MAGI2: variants seen among roughly 807,000 people sequenced by gnomAD.
The protein encoded by MAGI2 is membrane associated guanylate kinase, WW and PDZ domain containing 2.
MAGI2 carries 35 observed loss-of-function variants against 133.3 expected under a neutral mutation model. The observed-to-expected ratio is 0.26, with a 90% CI of 0.20 to 0.35. MAGI2 has a LOEUF of 0.35. Ranked by LOEUF, MAGI2 falls within the 10% of genes least tolerant of loss-of-function variation. The probability of loss-of-function intolerance (pLI) is 1.00; values close to 1 mark genes in which losing one functional copy is unlikely to be tolerated. For missense variants in MAGI2, 1,636 were observed against 1,863.4 expected (o/e 0.88, Z 2.25); for synonymous variants, 729 against 710.6 (o/e 1.03, Z -0.41).
chr7:79,113,811 TAC>T (rs3047688), intron 1 of MAGI2, among the ~76,000 whole-genome samples: 81 of 148,956 alleles, frequency 5.4e-4, no homozygotes, highest in African/African-American at 1.3e-3. Context: ...TACACACGCT[TAC>T]ACACACACAC....
intron 1 of MAGI2, among the ~76,000 whole-genome samples, chr7:79,253,079 C>A (rs375651431): frequency 6.6e-6 from 1 of 152,124 alleles, no homozygotes. Flanking sequence ...AATCTCATTT[C>A]TCTTATACAA....
chr7:79,019,055 A>G (rs1809023511), intron 1 of MAGI2, among the ~76,000 whole-genome samples: 1 of 152,228 alleles, frequency 6.6e-6, no homozygotes, highest in South Asian at 2.1e-4. Flanking sequence ...ATAGACATCT[A>G]CAAAATTCTC....
chr7:78,737,539 C>T (rs905278117), intron 2 of MAGI2, among the ~76,000 whole-genome samples: 1 of 152,192 alleles, frequency 6.6e-6, no homozygotes, highest in Non-Finnish European at 1.5e-5. Context: ...CCTTTTCCAA[C>T]TGCATATCTG....
chr7:78,170,364 G>C (rs1184236983), intron 14 of MAGI2: 2 of 152,206 alleles, frequency 1.3e-5, no homozygotes, highest in African/African-American at 4.8e-5. Context: ...GTGTGTGCCA[G>C]CAGTTTAATA....
intron 1 of MAGI2, among the ~76,000 whole-genome samples, chr7:79,305,543 G>A (rs183932498): frequency 2.6e-5 from 4 of 152,040 alleles, no homozygotes; most frequent in Non-Finnish European, 4.4e-5. Context: ...ATTTGACCAT[G>A]TAACTCTTCC....
At chr7:78,615,844 T>C (rs969881105) in intron 3 of MAGI2, 2 of 152,208 alleles carry the variant, frequency 1.3e-5, no homozygotes, top group African/African-American at 4.8e-5. Context: ...AATACACATT[T>C]TCAGGTTTAT....
intron 21 of MAGI2, among the ~76,000 whole-genome samples, chr7:78,057,965 T>TTA (rs1235502600): frequency 3.3e-5 from 1 of 30,288 alleles, no homozygotes; most frequent in Non-Finnish European, 6.0e-5. Flanking sequence ...CTCTGGCATT[T>TTA]TATATATATG....
intron 10 of MAGI2, among the ~76,000 whole-genome samples, chr7:78,250,979 T>C (rs1040818318): frequency 2.1e-4 from 32 of 152,040 alleles, no homozygotes; most frequent in African/African-American, 7.5e-4. Flanking sequence ...GATTAAAAAA[T>C]CTTTAACAAA....
chr7:78,750,236 A>G (rs1823324765), intron 2 of MAGI2, among the ~76,000 whole-genome samples: 1 of 152,158 alleles, frequency 6.6e-6, no homozygotes, highest in Non-Finnish European at 1.5e-5. Flanking sequence ...GCTGGATAGT[A>G]TTCCATGGTG....
rs954878071 is a variant in MAGI2 at position 78,648,449 on chromosome 7, C to T, written c.419-21210G>A. On this transcript the variant is annotated intron_variant, in intron 2 of 21. Coordinates refer to ENST00000354212, the MANE Select transcript of MAGI2 (RefSeq NM_012301.4). ...CTTCCAAAGATACAACAGCTGAAAC[C>T]TGAAATATTGTTGATCCTTATGATT... 2.0e-5 allele frequency among the ~76,000 whole-genome samples: 3 copies of T among 152,190 alleles called. No individual in the cohort carries two copies. The East Asian group carries it at 5.8e-4, about 29-fold the overall frequency.
At chr7:78,331,108 G>C (rs1312955012) in intron 9 of MAGI2, among the ~76,000 whole-genome samples, 1 of 152,114 alleles carries the variant, frequency 6.6e-6, no homozygotes, top group East Asian at 1.9e-4. Context: ...ATTAACACAA[G>C]AACAAAAATC....
intron 1 of MAGI2, among the ~76,000 whole-genome samples, chr7:79,310,523 G>A (rs1838201399): frequency 1.3e-5 from 2 of 152,060 alleles, no homozygotes. Flanking sequence ...TTTAATTTGG[G>A]GACCAAGCTT....
intron 6 of MAGI2, among the ~76,000 whole-genome samples, chr7:78,386,498 C>A (rs1795400200): frequency 6.6e-6 from 1 of 152,130 alleles, no homozygotes; most frequent in Non-Finnish European, 1.5e-5. Context: ...GAGCACTTCA[C>A]CCCAGTGAAA....
intron 1 of MAGI2, among the ~76,000 whole-genome samples, chr7:79,171,743 A>AAAAAAAAT (rs1554394139): frequency 2.0e-3 from 60 of 29,546 alleles, no homozygotes; most frequent in African/African-American, 3.7e-3. Context: ...AATAGCCAAA[A>AAAAAAAAT]ATATATATAT....
At chr7:78,818,130 T>C (rs578230689) in intron 2 of MAGI2, among the ~76,000 whole-genome samples, 16 of 152,324 alleles carry the variant, frequency 1.1e-4, no homozygotes, top group African/African-American at 3.8e-4. Context: ...TGAACCATCA[T>C]TAATATTGGT....
chr7:78,407,080 C>T (rs570206700), intron 6 of MAGI2, among the ~76,000 whole-genome samples: 62 of 152,052 alleles, frequency 4.1e-4, no homozygotes, highest in Non-Finnish European at 8.4e-4. Context: ...TACAAACACA[C>T]TTTCAGAAGC....
intron 4 of MAGI2, among the ~76,000 whole-genome samples, chr7:78,512,247 T>G (rs967169090): frequency 6.6e-6 from 1 of 152,200 alleles, no homozygotes; most frequent in Non-Finnish European, 1.5e-5. Context: ...CCTTTATTAT[T>G]TGAGGCCAGG....
chr7:78,421,392 G>T (rs566815167), intron 6 of MAGI2, among the ~76,000 whole-genome samples: 63 of 152,296 alleles, frequency 4.1e-4, no homozygotes, highest in African/African-American at 1.5e-3. Flanking sequence ...TGGCCAAATT[G>T]TAGACATAAT....
At chr7:78,796,522 CAT>C (rs769500140) in intron 2 of MAGI2, among the ~76,000 whole-genome samples, 55 of 152,210 alleles carry the variant, frequency 3.6e-4, no homozygotes, top group Middle Eastern at 3.4e-3. Context: ...GGAGGATGCT[CAT>C]ACACTGTTGG....
Sources: gnomAD v4.1 joint callset for allele counts (sites outside exome capture counted in the v4.1 genomes callset) on GRCh38, gnomAD v4.1.1 for gene constraint, MANE v1.5 for transcripts, NCBI Gene and HGNC (gene_info 2026-07-23, HGNC 2026-07-21) for gene names.